OPCML: variants seen among roughly 807,000 people sequenced by gnomAD.
OPCML encodes the protein opioid-binding protein/cell adhesion molecule.
A neutral mutation model predicts 37.8 loss-of-function variants in OPCML; 13 were observed. The observed-to-expected ratio is 0.34, with a 90% CI of 0.22 to 0.55. The LOEUF (loss-of-function observed/expected upper bound fraction) is 0.55, where lower values mean the gene tolerates loss of function less well. OPCML is among the 20% of genes least tolerant of loss of function. OPCML has a pLI of 0.91. For synonymous variants in OPCML, 176 were observed against 168.8 expected (o/e 1.04, Z -0.33); for missense variants, 341 against 435.6 (o/e 0.78, Z 1.93).
At chr11:133,024,299 G>C in intron 1 of OPCML, 1 of 960,384 alleles carries the variant, frequency 1.0e-6, no homozygotes, top group South Asian at 4.8e-5. Flanking sequence ...GTGCAGTGTT[G>C]ATGGAAGTTG....
intron 1 of OPCML, among the ~76,000 whole-genome samples, chr11:133,457,393 A>G (rs553155142): frequency 2.6e-5 from 4 of 151,930 alleles, no homozygotes; most frequent in South Asian, 2.1e-4. Flanking sequence ...TTAAAAATCA[A>G]CTGGGCATGG....
Position 132,943,144 on chromosome 11 carries a change from C to T in OPCML, c.62-134G>A, listed in dbSNP as rs368499708. On this transcript the variant is annotated intron_variant, in intron 1 of 7. Transcript: ENST00000524381. The surrounding 1 kb of genome is among the most constrained non-coding windows in gnomAD (Gnocchi z 4.3). Reference sequence around the variant, plus strand: ...TCCGGCAGCCGCACAGTCCTGGTCCCCCGCCCCGCGCACCAGCGGGCTCGG... The same window carrying T: ...TCCGGCAGCCGCACAGTCCTGGTCCTCCGCCCCGCGCACCAGCGGGCTCGG... 7 of 1,604,034 alleles carry T rather than the reference C, an allele frequency of 4.4e-6. No individual in the cohort carries two copies. Among genetic ancestry groups the T allele is most frequent in the African/African-American group, 4.0e-5 (3 of 74,686 alleles).
At chr11:133,393,396 G>A (rs1945216926) in intron 1 of OPCML, among the ~76,000 whole-genome samples, 1 of 152,158 alleles carries the variant, frequency 6.6e-6, no homozygotes, top group Admixed American at 6.5e-5. Flanking sequence ...TGGTGTTTGA[G>A]GTGACCTTAT....
At chr11:132,615,460 C>G (rs544608133) in intron 3 of OPCML, among the ~76,000 whole-genome samples, 1 of 152,088 alleles carries the variant, frequency 6.6e-6, no homozygotes, top group Non-Finnish European at 1.5e-5. Flanking sequence ...TCTTTATCAG[C>G]GAGTTCCATG....
At chr11:132,686,998 C>A (rs1943187557) in intron 2 of OPCML, among the ~76,000 whole-genome samples, 1 of 145,226 alleles carries the variant, frequency 6.9e-6, no homozygotes, top group Non-Finnish European at 1.5e-5. Context: ...ACTCAGCTGC[C>A]CCCTGAGATA....
At chr11:132,891,642 C>T (rs1203039640) in intron 2 of OPCML, among the ~76,000 whole-genome samples, 1 of 152,102 alleles carries the variant, frequency 6.6e-6, no homozygotes, top group East Asian at 1.9e-4. Context: ...CTCTCTTAGG[C>T]CTCCAGTGTC....
intron 1 of OPCML, among the ~76,000 whole-genome samples, chr11:132,969,651 A>G (rs1024188508): frequency 3.3e-5 from 5 of 152,102 alleles, no homozygotes; most frequent in Non-Finnish European, 5.9e-5. Flanking sequence ...CCATCAATAC[A>G]TATTTAAGTT....
chr11:132,942,417 G>C (rs1945608691), intron 2 of OPCML, among the ~76,000 whole-genome samples: 3 of 152,168 alleles, frequency 2.0e-5, no homozygotes, highest in Non-Finnish European at 2.9e-5. Context: ...ACCAGGTTTG[G>C]CACGAGTGCT....
intron 2 of OPCML, among the ~76,000 whole-genome samples, chr11:132,866,422 G>A (rs1942556899): frequency 6.6e-6 from 1 of 152,190 alleles, no homozygotes; most frequent in Non-Finnish European, 1.5e-5. Context: ...AGCACTGCAG[G>A]TGTCTCTTTT....
At chr11:133,407,735 G>C (rs957185360) in intron 1 of OPCML, among the ~76,000 whole-genome samples, 10 of 152,216 alleles carry the variant, frequency 6.6e-5, no homozygotes, top group Non-Finnish European at 1.3e-4. Context: ...AGAGACTGTG[G>C]TCAGAGAGGA....
chr11:133,469,006 G>C (rs6590709), intron 1 of OPCML, among the ~76,000 whole-genome samples: 43,451 of 152,048 alleles, frequency 0.29, 7,785 homozygotes, highest in African/African-American at 0.51. Context: ...TGCTGCCCCA[G>C]AGACTGGGGG....
rs979246641 is a variant in OPCML, at chr11:133,264,144, C to T, written c.61+268120G>A. 1.1e-3 allele frequency among the ~76,000 whole-genome samples: 173 copies of T among 151,888 alleles called. 1 individual carries two copies. The highest frequency in any genetic ancestry group is 3.7e-3 in the African/African-American group (155 of 41,430). ...TTTGAGTTGCTGAGAGTGGCAGGTG[C>T]GTGAAATGTAAAGTCAGAGAAACAA... On this transcript the variant is annotated intron_variant, in intron 1 of 7. Coordinates refer to ENST00000524381, the MANE Select transcript of OPCML (RefSeq NM_001012393.5).
At chr11:132,803,098 G>A (rs1387467952) in intron 2 of OPCML, among the ~76,000 whole-genome samples, 1 of 152,096 alleles carries the variant, frequency 6.6e-6, no homozygotes, top group South Asian at 2.1e-4. Context: ...TCCTCAAAAA[G>A]CAAGTGCATT....
rs568098447 is a variant in OPCML at position 132,487,807 on chromosome 11, T to C, written c.505+41254A>G. Among the ~76,000 whole-genome samples, 4 of 152,320 alleles carry C rather than the reference T, an allele frequency of 2.6e-5. No homozygotes were observed. The South Asian group carries it at 6.2e-4, about 24-fold the overall frequency. ...GTGGGCCTATGCACATCACTCACGA[T>C]TGGCCATGATTCTTATCTTACTCAA... On this transcript the variant is annotated intron_variant, in intron 4 of 7. Transcript: ENST00000524381.
chr11:133,521,414 G>A (rs1948394105), intron 1 of OPCML, among the ~76,000 whole-genome samples: 1 of 152,164 alleles, frequency 6.6e-6, no homozygotes. Flanking sequence ...TTCAGTGAAA[G>A]AAGAAAAGAA....
At chr11:133,499,775 T>A (rs1475225100) in intron 1 of OPCML, among the ~76,000 whole-genome samples, 4 of 142,202 alleles carry the variant, frequency 2.8e-5, no homozygotes, top group Non-Finnish European at 1.5e-5. Flanking sequence ...AAAATAAATA[T>A]ATATATATAT....
intron 1 of OPCML, among the ~76,000 whole-genome samples, chr11:133,381,298 A>T (rs1944923008): frequency 6.6e-6 from 1 of 152,262 alleles, no homozygotes; most frequent in Non-Finnish European, 1.5e-5. Context: ...GCAGGGAAAA[A>T]TGCCCTCAGC....
At chr11:133,344,663 T>C (rs1236344252) in intron 1 of OPCML, among the ~76,000 whole-genome samples, 1 of 152,188 alleles carries the variant, frequency 6.6e-6, no homozygotes, top group African/African-American at 2.4e-5. Context: ...CCCACACTTC[T>C]ATCTCTTGCT....
In OPCML at chr11:133,009,246, C is replaced by T. The variant is rs559812053; in HGVS notation, c.62-66236G>A. 1.1e-4 allele frequency: 107 copies of T among 984,998 alleles called. No homozygotes were observed. The African/African-American group carries it at 1.4e-3, about 13-fold the overall frequency. The allele number at this position is 984,998 out of a possible 1,614,324, so 61.0% of individuals were successfully genotyped here. A position where few individuals can be genotyped will look rare whatever the true frequency, so the allele number is the denominator to read the frequency against. On this transcript the variant is annotated intron_variant, in intron 1 of 7. Coordinates refer to ENST00000524381, the MANE Select transcript of OPCML (RefSeq NM_001012393.5). ...GGGAACTTCAAGTGTTGCAAGAAAA[C>T]GGACATAAATACTTGCTTGTTAAAA...
Sources: allele counts gnomAD v4.1 joint callset (sites outside exome capture counted in the v4.1 genomes callset), GRCh38; gene constraint gnomAD v4.1.1; non-coding constraint Gnocchi (gnomAD v3.1); transcripts MANE v1.5; gene names NCBI Gene and HGNC (gene_info 2026-07-23, HGNC 2026-07-21).